Variants in SDC3 observed in about 807,000 individuals in gnomAD.
SDC3 encodes syndecan 3, also known as syndecan-3.
A neutral mutation model predicts 24.4 loss-of-function variants in SDC3; 13 were observed. The observed-to-expected ratio is 0.53, with a 90% CI of 0.35 to 0.85. SDC3 has a LOEUF of 0.85. Ranked by LOEUF, SDC3 falls within the 40% of genes least tolerant of loss-of-function variation. The probability of loss-of-function intolerance (pLI) is 0.01; values close to 1 mark genes in which losing one functional copy is unlikely to be tolerated. For missense variants in SDC3, 571 were observed against 584.5 expected, an observed-to-expected ratio of 0.98 and a Z score of 0.24; for synonymous variants, 295 against 260.9, an observed-to-expected ratio of 1.13 and a Z score of -1.26.
chr1:30,870,154 G>C lies in SDC3; in HGVS notation c.*3057C>G. The C allele has an allele frequency of 2.7e-6, 1 of 374,656 alleles. No homozygotes were observed. Among genetic ancestry groups the C allele is most frequent in the Non-Finnish European group, 4.7e-6 (1 of 211,616 alleles). The allele number at this position is 374,656 out of a possible 1,614,324, so 23.2% of individuals were successfully genotyped here. A position where few individuals can be genotyped will look rare whatever the true frequency, so the allele number is the denominator to read the frequency against. On this transcript the variant is annotated 3_prime_UTR_variant, in exon 5 of 5. Transcript: ENST00000339394. ...TGTGTCCAGGGGCCCCCACCAGGAG[G>C]CCTGACAGGCGGCTTTGCCAACCCC...
Position 30,870,030 on chromosome 1 carries a change from C to T in SDC3, c.*3181G>A, listed in dbSNP as rs867138422. On this transcript the variant is annotated 3_prime_UTR_variant, in exon 5 of 5. Coordinates refer to ENST00000339394, the MANE Select transcript of SDC3 (RefSeq NM_014654.4). Reference sequence around the variant, plus strand: ...CGGGCTTCTATTTACAGGCAAGAGGCCTGGGGAGGCAAGTCCAGGGTTGTA... The same window carrying T: ...CGGGCTTCTATTTACAGGCAAGAGGTCTGGGGAGGCAAGTCCAGGGTTGTA... 2.5e-6 allele frequency: 1 copy of T among 397,706 alleles called. No individual in the cohort carries two copies. Among genetic ancestry groups the T allele is most frequent in the Middle Eastern group, 6.3e-4 (1 of 1,588 alleles). 24.6% of individuals were successfully genotyped at this position (397,706 alleles called of 1,614,324 possible).
At chr1:30,905,658 C>T (rs921867115) in intron 1 of SDC3, among the ~76,000 whole-genome samples, 1 of 152,110 alleles carries the variant, frequency 6.6e-6, no homozygotes, top group African/African-American at 2.4e-5. Context: ...ACAAGACTAA[C>T]ACCTAAGATC....
chr1:30,907,060 G>A (rs2124348731), intron 1 of SDC3, among the ~76,000 whole-genome samples: 1 of 152,320 alleles, frequency 6.6e-6, no homozygotes. Flanking sequence ...GCCCCTGCCT[G>A]TCCTCCTCCT....
chr1:30,896,342 A>G (rs779815619), intron 1 of SDC3, among the ~76,000 whole-genome samples: 1 of 152,146 alleles, frequency 6.6e-6, no homozygotes, highest in Non-Finnish European at 1.5e-5. Context: ...TAACAATGTA[A>G]CCCTGAGGGG....
At chr1:30,891,456 A>G (rs551264690) in intron 1 of SDC3, among the ~76,000 whole-genome samples, 145 of 152,302 alleles carry the variant, frequency 9.5e-4, no homozygotes, top group African/African-American at 3.3e-3. Context: ...TTTGTCTGGA[A>G]GGTGCTCGGT....
Position 30,876,710 on chromosome 1 carries a change from C to A in SDC3, c.712G>T (p.Val238Phe). 1 of 1,598,774 alleles carries A rather than the reference C, an allele frequency of 6.3e-7. No homozygotes were observed. Among genetic ancestry groups the A allele is most frequent in the African/African-American group, 1.3e-5 (1 of 74,568 alleles). The change falls in exon 3 of 5, where the codon GTC becomes TTC. Residue 238 changes from valine (V) to phenylalanine (F), a missense_variant. Physicochemically the swap from Val to Phe is conservative, Grantham distance 50 (BLOSUM62 -1). Around this residue, in one of 2 missense-constraint regions of SDC3, gnomAD observed 497 missense variants for 471.6 expected, o/e 1.05. Coordinates refer to ENST00000339394, the MANE Select transcript of SDC3 (RefSeq NM_014654.4). ...EAPSPPTTAAVLDTEAPTPRL... is the reference protein window; with the variant it reads ...EAPSPPTTAAFLDTEAPTPRL... ...GGTGTTGGGGCCTCGGTGTCCAAGA[C>A]AGCCGCCGTGGTGGGCGGGGAGGGC... is the stretch of plus-strand genomic sequence containing the variant.
At chr1:30,874,140 C>T (rs1639588905) in intron 4 of SDC3, among the ~76,000 whole-genome samples, 157 bp downstream of exon 4, 1 of 152,126 alleles carries the variant, frequency 6.6e-6, no homozygotes, top group Non-Finnish European at 1.5e-5. Flanking sequence ...GAAGGCAGGT[C>T]CTGGGGGGTT....
chr1:30,873,805 G>C (rs952957746), intron 4 of SDC3, among the ~76,000 whole-genome samples: 2 of 152,130 alleles, frequency 1.3e-5, no homozygotes, highest in African/African-American at 4.8e-5. Flanking sequence ...CCATTCTACC[G>C]ATGAAGAGAA....
chr1:30,894,494 G>C (rs1639966828), intron 1 of SDC3, among the ~76,000 whole-genome samples: 1 of 100,818 alleles, frequency 9.9e-6, no homozygotes, highest in Non-Finnish European at 1.9e-5. Flanking sequence ...GATGAATGTG[G>C]GGGGTGAGTA....
intron 1 of SDC3, among the ~76,000 whole-genome samples, chr1:30,884,254 G>A (rs1639793449): frequency 1.3e-5 from 2 of 151,522 alleles, no homozygotes; most frequent in Admixed American, 6.6e-5. Flanking sequence ...GGGCAGAGAA[G>A]GCCAAGCTGA....
intron 1 of SDC3, among the ~76,000 whole-genome samples, chr1:30,889,984 T>C (rs996870823): frequency 6.6e-6 from 1 of 152,150 alleles, no homozygotes; most frequent in African/African-American, 2.4e-5. Context: ...GGTATGTTCA[T>C]ACAATGGAAT....
chr1:30,876,015 A>C (rs1355579221), intron 3 of SDC3, among the ~76,000 whole-genome samples: 5 of 152,220 alleles, frequency 3.3e-5, no homozygotes, highest in Non-Finnish European at 7.3e-5. Flanking sequence ...CCATGATAAT[A>C]ACAACCGTGA....
intron 1 of SDC3, among the ~76,000 whole-genome samples, chr1:30,903,521 G>A (rs759541011): frequency 3.0e-4 from 46 of 152,064 alleles, no homozygotes; most frequent in Non-Finnish European, 3.1e-4. Context: ...ACCCCCAGTG[G>A]CCCTCAGAGT....
At chr1:30,900,037 C>G (rs1044094672) in intron 1 of SDC3, among the ~76,000 whole-genome samples, 3 of 152,216 alleles carry the variant, frequency 2.0e-5, no homozygotes, top group African/African-American at 7.2e-5. Flanking sequence ...TCCTTTTCTA[C>G]ATAGACACAG....
At chr1:30,879,502 G>GA (rs1639705815) in intron 1 of SDC3, among the ~76,000 whole-genome samples, 1 of 152,094 alleles carries the variant, frequency 6.6e-6, no homozygotes, top group South Asian at 2.1e-4. Flanking sequence ...TGCCCAGAAA[G>GA]AAAAATACCC....
intron 1 of SDC3, among the ~76,000 whole-genome samples, chr1:30,906,841 C>T (rs1191457973): frequency 3.3e-5 from 5 of 152,286 alleles, no homozygotes; most frequent in Middle Eastern, 6.8e-3. Flanking sequence ...GCTGAGAAGG[C>T]GACCCCAGCT....
chr1:30,894,415 T>G (rs59507002), intron 1 of SDC3, among the ~76,000 whole-genome samples: 1,280 of 82,606 alleles, frequency 0.015, 36 homozygotes, highest in African/African-American at 0.063. Flanking sequence ...AATGTGTGTG[T>G]GGGGGTGAGT....
rs1306398423 is a variant in SDC3 at position 30,905,974 on chromosome 1, C to T, written c.138+2475G>A. The stretch of plus-strand genomic sequence containing the variant: ...AAAGACACGAAGACACACACACACA[C>T]ACACACACACACACAAAGGCTGGCA... On this transcript the variant is annotated intron_variant, in intron 1 of 4. Coordinates refer to ENST00000339394, the MANE Select transcript of SDC3 (RefSeq NM_014654.4). Among the ~76,000 whole-genome samples, 4 of 151,920 alleles carry T rather than the reference C, an allele frequency of 2.6e-5. No homozygotes were observed. In the East Asian group the frequency reaches 7.7e-4, roughly 29 times the overall value.
chr1:30,894,663 A>AGG (rs1639974285), intron 1 of SDC3, among the ~76,000 whole-genome samples: 1 of 26,912 alleles, frequency 3.7e-5, no homozygotes, highest in African/African-American at 1.1e-4. Flanking sequence ...TGTGTGGGTG[A>AGG]GTGTGTGTGG....
Sources: allele counts gnomAD v4.1 joint callset (sites outside exome capture counted in the v4.1 genomes callset), GRCh38; gene constraint gnomAD v4.1.1; regional missense constraint gnomAD v4.1.1; transcripts MANE v1.5; gene names NCBI Gene and HGNC (gene_info 2026-07-23, HGNC 2026-07-21).